The following BCL11A variants were observed in gnomAD, a reference collection of about 807,000 sequenced individuals.
BCL11A encodes BCL11 transcription factor A.
In BCL11A, 2 loss-of-function variants were observed where a neutral mutation model predicts 55.9. The ratio of observed to expected loss-of-function variants is 0.04; its 90% confidence interval spans 0.01 to 0.11. The LOEUF is 0.11. Ranked by LOEUF, BCL11A falls within the 10% of genes least tolerant of loss-of-function variation. The probability of loss-of-function intolerance (pLI) is 1.00; values close to 1 mark genes in which losing one functional copy is unlikely to be tolerated. For missense variants in BCL11A, 817 were observed against 1,137.1 expected (o/e 0.72, Z 4.05); for synonymous variants, 465 against 473.4 (o/e 0.98, Z 0.23).
chr2:60,478,749 G>A (rs1008718028), intron 2 of BCL11A, among the ~76,000 whole-genome samples: 120 of 152,352 alleles, frequency 7.9e-4, no homozygotes, highest in Non-Finnish European at 8.8e-4. Flanking sequence ...CTGAATGAAG[G>A]AGCGCTCTGG....
intron 2 of BCL11A, among the ~76,000 whole-genome samples, chr2:60,501,579 G>C (rs374321643): frequency 4.1e-5 from 6 of 145,912 alleles, no homozygotes; most frequent in Admixed American, 1.4e-4. Flanking sequence ...GTGTGATCTC[G>C]GCTCACCACC....
At chr2:60,504,990 G>C (rs1679494185) in intron 2 of BCL11A, among the ~76,000 whole-genome samples, 3 of 152,146 alleles carry the variant, frequency 2.0e-5, no homozygotes. Context: ...AGTATAAGGA[G>C]TTCTGGATCA....
chr2:60,489,929 A>C (rs1467426792), intron 2 of BCL11A, among the ~76,000 whole-genome samples: 1 of 152,154 alleles, frequency 6.6e-6, no homozygotes, highest in African/African-American at 2.4e-5. Flanking sequence ...ATGAAACACC[A>C]TCCATGCCCT....
chr2:60,462,507 C>G, intron 3 of BCL11A, 83 bp from the exon 4 acceptor site: 1 of 1,517,226 alleles, frequency 6.6e-7, no homozygotes, highest in South Asian at 1.3e-5. Flanking sequence ...CCACCTCCAG[C>G]CTTCCCTGCC....
chr2:60,476,703 T>A (rs971606207), intron 2 of BCL11A, among the ~76,000 whole-genome samples: 3 of 152,262 alleles, frequency 2.0e-5, no homozygotes, highest in African/African-American at 7.2e-5. Context: ...ATTTTACCTT[T>A]TAAGTGTGTC....
downstream of BCL11A, chr2:60,452,605 C>G: frequency 6.2e-7 from 1 of 1,613,806 alleles, no homozygotes; most frequent in Non-Finnish European, 8.5e-7. Context: ...AGCTTCCATC[C>G]GAAAACTGCC....
chr2:60,552,642 T>C (rs1670463984), intron 1 of BCL11A, among the ~76,000 whole-genome samples: 1 of 152,158 alleles, frequency 6.6e-6, no homozygotes, highest in African/African-American at 2.4e-5. Context: ...ACTTTCTCAC[T>C]ATTGTGGGGA....
chr2:60,548,732 G>A (rs1017672369), intron 1 of BCL11A, among the ~76,000 whole-genome samples: 2 of 152,130 alleles, frequency 1.3e-5, no homozygotes, highest in African/African-American at 4.8e-5. Context: ...CAAAACATTT[G>A]GCTAGTGGTG....
Position 60,483,480 on chromosome 2 carries a change from C to A in BCL11A, c.386-14647G>T, listed in dbSNP as rs45473195. On this transcript the variant is annotated intron_variant, in intron 2 of 3. Coordinates refer to ENST00000642384, the MANE Select transcript of BCL11A (RefSeq NM_022893.4). ...CCAGGTATAGCTGCAGTCCCTTTAG[C>A]CCCAGTCTGTTTCTCTGTCCAAGGC... Among the ~76,000 whole-genome samples the A allele has an allele frequency of 4.7e-3, 723 of 152,310 alleles. 2 individuals carry two copies. The highest frequency in any genetic ancestry group is 0.01 in the Middle Eastern group (3 of 294).
At chr2:60,502,180 T>A (rs1348856103) in intron 2 of BCL11A, among the ~76,000 whole-genome samples, 1 of 152,202 alleles carries the variant, frequency 6.6e-6, no homozygotes, top group Non-Finnish European at 1.5e-5. Context: ...TAGATACTTA[T>A]CAAAGCAACA....
chr2:60,548,950 A>C (rs550729732), intron 1 of BCL11A, among the ~76,000 whole-genome samples: 95 of 152,252 alleles, frequency 6.2e-4, no homozygotes, highest in African/African-American at 2.1e-3. Context: ...CCTTTCCCTA[A>C]AAACCTTCCT....
intron 2 of BCL11A, among the ~76,000 whole-genome samples, chr2:60,509,421 G>A (rs1038151771): frequency 2.0e-5 from 3 of 152,304 alleles, no homozygotes; most frequent in South Asian, 2.1e-4. Context: ...AGAGCCACAC[G>A]GACGTCTCAG....
rs376420086 is a variant in BCL11A at position 60,467,705 on chromosome 2, C to G, written c.487+1027G>C. Among the ~76,000 whole-genome samples the G allele has an allele frequency of 4.4e-3, 57 of 13,082 alleles. 1 individual carries two copies. Among genetic ancestry groups the G allele is most frequent in the African/African-American group, 6.0e-3 (16 of 2,652 alleles). The allele number at this position is 13,082 out of a possible 152,430, so 8.6% of individuals were successfully genotyped here. ...GATGGTGGTGGTGGTGGTGATGGTACTGGTGGTGATGGTACTGGTGGTGAT... is the reference window on the plus strand; with the variant it reads ...GATGGTGGTGGTGGTGGTGATGGTAGTGGTGGTGATGGTACTGGTGGTGAT... On this transcript the variant is annotated intron_variant, in intron 3 of 3. Transcript: ENST00000642384.
Position 60,458,123 on chromosome 2 carries a change from T to A in BCL11A, c.*2281A>T, listed in dbSNP as rs991784774. 9.7e-7 allele frequency: 1 copy of A among 1,029,746 alleles called. No homozygotes were observed. Among genetic ancestry groups the A allele is most frequent in the African/African-American group, 1.7e-5 (1 of 59,202 alleles). 63.8% of individuals were successfully genotyped at this position (1,029,746 alleles called of 1,614,324 possible). ...AATACAAGCTTCAATATAAATACTATAGTGCCTAACACTAGATGAACATTT... is the reference window on the plus strand; with the variant it reads ...AATACAAGCTTCAATATAAATACTAAAGTGCCTAACACTAGATGAACATTT... On this transcript the variant is annotated 3_prime_UTR_variant, in exon 4 of 4. Transcript: ENST00000642384.
At chr2:60,500,368 C>T (rs1378145347) in intron 2 of BCL11A, among the ~76,000 whole-genome samples, 2 of 152,306 alleles carry the variant, frequency 1.3e-5, no homozygotes, top group East Asian at 3.9e-4. Context: ...GCTTCCCCGC[C>T]ACCATTAACC....
At chr2:60,487,320 T>A (rs1001755849) in intron 2 of BCL11A, among the ~76,000 whole-genome samples, 2 of 152,178 alleles carry the variant, frequency 1.3e-5, no homozygotes, top group African/African-American at 4.8e-5. Context: ...CAGTCAGGCT[T>A]TCAGGTGTCT....
chr2:60,455,431 T>C (rs895504512), downstream of BCL11A, among the ~76,000 whole-genome samples: 1 of 152,246 alleles, frequency 6.6e-6, no homozygotes, highest in African/African-American at 2.4e-5. Flanking sequence ...CATGTTTCTA[T>C]TGTTCATCAG....
chr2:60,462,303 G>T lies in BCL11A; in HGVS notation c.609C>A (p.His203Gln). ...CAACCCGCGGGGTCAGGGGACTTCC[G>T]TGTTCGCTTTCTAAGTAGATTCTTA... ...HGLRIYLESE[H>Q]GSPLTPRVGI... Residue 203 changes from histidine (H) to glutamine (Q), a missense_variant, in exon 4 of 4, where the codon CAC becomes CAA. Physicochemically the swap from His to Gln is conservative, Grantham distance 24 (BLOSUM62 0). Around this residue, in one of 4 missense-constraint regions of BCL11A, gnomAD observed 363 missense variants for 486.6 expected, o/e 0.75. Transcript: ENST00000642384. The T allele has an allele frequency of 6.2e-7, 1 of 1,614,132 alleles. No individual in the cohort carries two copies. The highest frequency in any genetic ancestry group is 8.5e-7 in the Non-Finnish European group (1 of 1,180,016).
chr2:60,508,187 C>T (rs1260219983), intron 2 of BCL11A, among the ~76,000 whole-genome samples: 1 of 152,068 alleles, frequency 6.6e-6, no homozygotes, highest in Non-Finnish European at 1.5e-5. Flanking sequence ...TCTGACAGGC[C>T]CAGCACTGTC....
Sources: gnomAD v4.1 joint callset for allele counts (sites outside exome capture counted in the v4.1 genomes callset) on GRCh38, gnomAD v4.1.1 for gene constraint, gnomAD v4.1.1 regional missense constraint, MANE v1.5 for transcripts, NCBI Gene and HGNC (gene_info 2026-07-23, HGNC 2026-07-21) for gene names.